The following EFCAB14 variants were observed in gnomAD, a reference collection of about 807,000 sequenced individuals.
The protein encoded by EFCAB14 is EF-hand calcium binding domain 14.
In EFCAB14, 43 loss-of-function variants were observed where a neutral mutation model predicts 56.5. The ratio of observed to expected loss-of-function variants is 0.76; its 90% CI spans 0.60 to 0.98. EFCAB14 has a LOEUF of 0.98. Ranked by LOEUF, EFCAB14 falls within the 50% of genes least tolerant of loss-of-function variation. The probability of loss-of-function intolerance (pLI) is 0.00; values close to 1 mark genes in which losing one functional copy is unlikely to be tolerated. For missense variants in EFCAB14, 538 were observed against 580.3 expected (o/e 0.93, Z 0.75); for synonymous variants, 235 against 212.9 (o/e 1.10, Z -0.90).
chr1:46,691,350 C>T (rs1021552251), intron 5 of EFCAB14, among the ~76,000 whole-genome samples: 6 of 152,178 alleles, frequency 3.9e-5, no homozygotes, highest in Non-Finnish European at 5.9e-5. Flanking sequence ...ATTTAACTGA[C>T]AGCCTGGCTG....
intron 10 of EFCAB14, among the ~76,000 whole-genome samples, chr1:46,679,103 G>C (rs1408881878): frequency 8.5e-5 from 13 of 152,198 alleles, no homozygotes; most frequent in Admixed American, 8.5e-4. Flanking sequence ...TGTGATAGGA[G>C]CTAGCTCATA....
At chr1:46,680,850 A>G (rs1486525186) in intron 10 of EFCAB14, among the ~76,000 whole-genome samples, 1 of 152,238 alleles carries the variant, frequency 6.6e-6, no homozygotes. Flanking sequence ...GTTGATCTGT[A>G]TCTTTTTTAT....
chr1:46,688,384 AC>A lies in EFCAB14; in HGVS notation c.955del (p.Val319Ter). ...IESDVVAMSKVEKKANLSFSM... is the reference protein window; with the variant it reads ...IESDVVAMSKXEKKANLSFSM... ...GAAGGACAGGTTTGCTTTCTTTTCTACCTTGCTCATAGCAACCACATCGCTT... is the reference window on the plus strand; with the variant it reads ...GAAGGACAGGTTTGCTTTCTTTTCTACTTGCTCATAGCAACCACATCGCTT... On this transcript the variant is annotated frameshift_variant, in exon 7 of 11. Coordinates refer to ENST00000371933, the MANE Select transcript of EFCAB14 (RefSeq NM_014774.3). LOFTEE classifies it high-confidence loss of function. 2 of 1,613,958 alleles carry A rather than the reference AC, an allele frequency of 1.2e-6. No homozygotes were observed. The highest frequency in any genetic ancestry group is 1.7e-6 in the Non-Finnish European group (2 of 1,179,892).
At chr1:46,706,586 G>T (rs904041209) in intron 3 of EFCAB14, among the ~76,000 whole-genome samples, 2 of 152,182 alleles carry the variant, frequency 1.3e-5, no homozygotes, top group Non-Finnish European at 2.9e-5. Flanking sequence ...TTTGCCCCAG[G>T]AGAGATGCTG....
chr1:46,703,307 A>C (rs1354089804), intron 3 of EFCAB14, among the ~76,000 whole-genome samples: 1 of 152,056 alleles, frequency 6.6e-6, no homozygotes, highest in Non-Finnish European at 1.5e-5. Flanking sequence ...ACAAGGTTTC[A>C]CCATGTTGGC....
chr1:46,680,324 G>A (rs79823187), intron 10 of EFCAB14, among the ~76,000 whole-genome samples: 1,673 of 152,204 alleles, frequency 0.011, 23 homozygotes, highest in African/African-American at 0.037. Flanking sequence ...GTCCATCAAC[G>A]GATGAACAGA....
chr1:46,714,514 G>A (rs926040761), intron 2 of EFCAB14, among the ~76,000 whole-genome samples: 2 of 151,824 alleles, frequency 1.3e-5, no homozygotes, highest in African/African-American at 4.8e-5. Context: ...AATTTGGGCC[G>A]AGCACAATGG....
chr1:46,712,427 G>C (rs1264952533), intron 2 of EFCAB14, among the ~76,000 whole-genome samples: 1 of 151,758 alleles, frequency 6.6e-6, no homozygotes, highest in African/African-American at 2.4e-5. Flanking sequence ...AGAATACTGA[G>C]CTAAGAGTTT....
chr1:46,707,429 C>T (rs1417998915), intron 3 of EFCAB14, among the ~76,000 whole-genome samples: 4 of 152,182 alleles, frequency 2.6e-5, no homozygotes, highest in African/African-American at 4.8e-5. Flanking sequence ...TTGTATTAGG[C>T]TTATTTGACT....
Position 46,678,521 on chromosome 1 carries a change from A to C in EFCAB14, c.1428T>G (p.Phe476Leu), listed in dbSNP as rs1213299256. Residue 476 changes from phenylalanine (F) to leucine (L), a missense_variant, in exon 11 of 11, where the codon TTT (phenylalanine) becomes TTG (leucine). Coordinates refer to ENST00000371933, the MANE Select transcript of EFCAB14 (RefSeq NM_014774.3). The stretch of plus-strand genomic sequence containing the variant: ...AGTATCTTCCATCTCCATCGGAATC[A>C]AATGCTCTCAAGCTCTCTGGTTCTG... ...AMPEPESLRA[F>L]DSDGDGRYSF... 3 of 1,614,040 alleles carry C rather than the reference A, an allele frequency of 1.9e-6. No homozygotes were observed. Among genetic ancestry groups the C allele is most frequent in the Admixed American group, 1.7e-5 (1 of 60,014 alleles).
At chr1:46,708,106 T>C in intron 2 of EFCAB14, 55 bp from the exon 3 acceptor site, 1 of 1,500,728 alleles carries the variant, frequency 6.7e-7, no homozygotes, top group Admixed American at 2.2e-5. Flanking sequence ...CTCATGGTCC[T>C]AAGATGAAAA....
chr1:46,714,607 C>T (rs1422217255), intron 2 of EFCAB14, among the ~76,000 whole-genome samples: 1 of 151,886 alleles, frequency 6.6e-6, no homozygotes, highest in African/African-American at 2.4e-5. Flanking sequence ...GTCTGGGCAA[C>T]ATAGCAAAAC....
Position 46,675,429 on chromosome 1 carries a change from T to A in EFCAB14, c.*3032A>T, listed in dbSNP as rs1461564249. The A allele has an allele frequency of 6.6e-6, 1 of 152,634 alleles. No homozygotes were observed. Among genetic ancestry groups the A allele is most frequent in the Non-Finnish European group, 1.5e-5 (1 of 68,046 alleles). 9.5% of individuals were successfully genotyped at this position (152,634 alleles called of 1,614,324 possible). ...ATACCCAAATGTGTTCTGGTTTGGA[T>A]ATGAAAGAGGGACCACTTCTAGCTG... On this transcript the variant is annotated 3_prime_UTR_variant, in exon 11 of 11. Coordinates refer to ENST00000371933, the MANE Select transcript of EFCAB14 (RefSeq NM_014774.3).
In EFCAB14 at chr1:46,702,496, G is replaced by T. The variant is rs758102992; in HGVS notation, c.480+5410C>A. ...TTACTTTTAGTATTGCTACACAGCT[G>T]AGTGACTGTGGACAAGCTACTTAAC... On this transcript the variant is annotated intron_variant, in intron 3 of 10. Transcript: ENST00000371933. 2.6e-5 allele frequency among the ~76,000 whole-genome samples: 4 copies of T among 152,262 alleles called. No homozygotes were observed. In the East Asian group the frequency reaches 7.7e-4, roughly 29 times the overall value.
intron 2 of EFCAB14, among the ~76,000 whole-genome samples, chr1:46,710,379 C>CTA (rs1205942661): frequency 1.3e-5 from 2 of 152,150 alleles, no homozygotes; most frequent in Non-Finnish European, 2.9e-5. Context: ...TTGGAACTAT[C>CTA]TAGTGTTAAC....
intron 3 of EFCAB14, among the ~76,000 whole-genome samples, chr1:46,697,104 C>G (rs1046280825): frequency 6.6e-6 from 1 of 152,172 alleles, no homozygotes; most frequent in Non-Finnish European, 1.5e-5. Flanking sequence ...AAAGTAAAAG[C>G]CCATCTCACA....
intron 6 of EFCAB14, 98 bp downstream of exon 6, chr1:46,689,489 G>A: frequency 9.0e-7 from 1 of 1,113,480 alleles, no homozygotes; most frequent in Non-Finnish European, 1.4e-6. Flanking sequence ...ATAAATACAG[G>A]ATGCACCTGC....
intron 6 of EFCAB14, 151 bp from the exon 7 acceptor site, chr1:46,688,695 C>G (rs1452846967): frequency 4.2e-6 from 3 of 713,398 alleles, no homozygotes; most frequent in Non-Finnish European, 6.8e-6. Flanking sequence ...TTGCTTTGTC[C>G]CTCGCACTCT....
rs1676689075 is a variant in EFCAB14 at position 46,676,020 on chromosome 1, C to T, written c.*2441G>A. 1 of 152,174 alleles carries T rather than the reference C, an allele frequency of 6.6e-6. No individual in the cohort carries two copies. The highest frequency in any genetic ancestry group is 1.5e-5 in the Non-Finnish European group (1 of 68,034). 9.4% of individuals were successfully genotyped at this position (152,174 alleles called of 1,614,324 possible). On this transcript the variant is annotated 3_prime_UTR_variant, in exon 11 of 11. Coordinates refer to ENST00000371933, the MANE Select transcript of EFCAB14 (RefSeq NM_014774.3). Reference sequence around the variant, plus strand: ...ATGAGATATGGCTGGTGAGGCTTGACTACAGCTAAATACAAGTCACAGGCT... The same window carrying T: ...ATGAGATATGGCTGGTGAGGCTTGATTACAGCTAAATACAAGTCACAGGCT...
Sources: allele counts gnomAD v4.1 joint callset (sites outside exome capture counted in the v4.1 genomes callset), GRCh38; gene constraint gnomAD v4.1.1; transcripts MANE v1.5; gene names NCBI Gene and HGNC (gene_info 2026-07-23, HGNC 2026-07-21).